The following MTSS1 variants were observed in gnomAD, a reference collection of about 807,000 sequenced individuals.
The protein encoded by MTSS1 is MTSS I-BAR domain containing 1, also known as protein MTSS 1.
MTSS1 carries 18 observed loss-of-function variants against 79.0 expected under a neutral mutation model. The ratio of observed to expected loss-of-function variants is 0.23; its 90% CI spans 0.16 to 0.34. The LOEUF is 0.34. MTSS1 is among the 10% of genes least tolerant of loss of function. The pLI is 1.00. For missense variants in MTSS1, 815 were observed against 986.2 expected, an observed-to-expected ratio of 0.83 and a Z score of 2.33; for synonymous variants, 341 against 368.6, an observed-to-expected ratio of 0.93 and a Z score of 0.86.
rs1477171092 is a variant in MTSS1 at position 124,553,526 on chromosome 8, T to C, written c.1734A>G (p.Gly578=). The C allele has an allele frequency of 8.7e-6, 14 of 1,613,964 alleles. No individual in the cohort carries two copies. The highest frequency in any genetic ancestry group is 1.2e-5 in the Non-Finnish European group (14 of 1,179,992). ...CAACCCCTGGAGTGACCATAGCAGGTCCCAGGGTGGTGGGGAGGCCAGCAG... is the reference window on the plus strand; with the variant it reads ...CAACCCCTGGAGTGACCATAGCAGGCCCCAGGGTGGTGGGGAGGCCAGCAG... ...ASTAGLPTTL[G]PAMVTPGVAT... is the part of the protein sequence containing the mutation. Residue 578 remains glycine (G), a synonymous_variant, in exon 14 of 14, where the codon GGA becomes GGG. Transcript: ENST00000518547. The surrounding 1 kb of genome is among the most constrained non-coding windows in gnomAD (Gnocchi z 6.0).
At chr8:124,633,655 A>G (rs1428693984) in intron 3 of MTSS1, among the ~76,000 whole-genome samples, 1 of 152,038 alleles carries the variant, frequency 6.6e-6, no homozygotes, top group Non-Finnish European at 1.5e-5. Context: ...CTGTAATCCC[A>G]GCTACTCGAG....
At chr8:124,678,736 A>G (rs1825695055) in intron 3 of MTSS1, among the ~76,000 whole-genome samples, 1 of 152,206 alleles carries the variant, frequency 6.6e-6, no homozygotes, top group Admixed American at 6.5e-5. Context: ...AAGCCCTATC[A>G]GCCTGGTAGG....
intron 3 of MTSS1, among the ~76,000 whole-genome samples, chr8:124,621,844 C>G (rs1813580989): frequency 6.6e-6 from 1 of 152,142 alleles, no homozygotes; most frequent in Admixed American, 6.5e-5. Flanking sequence ...CCACCACGCC[C>G]AGCCCCTATC....
At chr8:124,686,946 C>T (rs1356550889) in intron 3 of MTSS1, among the ~76,000 whole-genome samples, 1 of 152,088 alleles carries the variant, frequency 6.6e-6, no homozygotes, top group Non-Finnish European at 1.5e-5. Flanking sequence ...CAGGTGACTT[C>T]AAGTCACCAA....
At chr8:124,703,997 A>G (rs1587895056) in intron 2 of MTSS1, 133 bp downstream of exon 2, 1 of 746,642 alleles carries the variant, frequency 1.3e-6, no homozygotes, top group East Asian at 2.6e-5. Flanking sequence ...TGCTCCAATC[A>G]GAACCCAGCA....
intron 3 of MTSS1, among the ~76,000 whole-genome samples, chr8:124,691,585 G>C (rs2135241012): frequency 1.3e-5 from 2 of 151,896 alleles, no homozygotes; most frequent in South Asian, 4.2e-4. Context: ...GTACGATCTT[G>C]GTTCACTGCA....
intron 6 of MTSS1, among the ~76,000 whole-genome samples, chr8:124,577,367 A>C (rs1450904263): frequency 6.6e-6 from 1 of 152,192 alleles, no homozygotes; most frequent in African/African-American, 2.4e-5. Context: ...CTTCTGCCTC[A>C]GCATCCCAAG....
At chr8:124,673,847 A>C (rs1028813237) in intron 3 of MTSS1, among the ~76,000 whole-genome samples, 1 of 152,234 alleles carries the variant, frequency 6.6e-6, no homozygotes, top group African/African-American at 2.4e-5. Flanking sequence ...CTACCTGAAA[A>C]ATGGCACAAG....
chr8:124,644,797 TG>T (rs1373806676), intron 3 of MTSS1, among the ~76,000 whole-genome samples: 1 of 149,822 alleles, frequency 6.7e-6, no homozygotes, highest in Non-Finnish European at 1.5e-5. Context: ...CAAATGGACA[TG>T]GAGAAACCTA....
intron 3 of MTSS1, among the ~76,000 whole-genome samples, chr8:124,651,612 G>C (rs1179548701): frequency 6.6e-6 from 1 of 152,182 alleles, no homozygotes; most frequent in Non-Finnish European, 1.5e-5. Flanking sequence ...AAAGAGCTAT[G>C]TGAAAGCATT....
intron 3 of MTSS1, among the ~76,000 whole-genome samples, chr8:124,649,907 A>G (rs538663108): frequency 3.9e-5 from 6 of 152,088 alleles, no homozygotes; most frequent in South Asian, 4.2e-4. Context: ...GACTAAGAGC[A>G]TTGTCACCCA....
chr8:124,701,537 A>C (rs75071671), intron 2 of MTSS1, among the ~76,000 whole-genome samples: 2 of 152,360 alleles, frequency 1.3e-5, no homozygotes, highest in East Asian at 3.9e-4. Context: ...TAGCTTTATC[A>C]AACTTCTTGG....
intron 3 of MTSS1, among the ~76,000 whole-genome samples, chr8:124,688,169 C>T (rs566805776): frequency 2.2e-4 from 34 of 151,868 alleles, no homozygotes; most frequent in African/African-American, 6.5e-4. Flanking sequence ...TATGTGCGTA[C>T]GTGTGCGTGT....
At position 124,689,536 on chromosome 8, in the gene MTSS1, G is replaced by A. The variant is rs369194395; in HGVS notation, c.208+9990C>T. On this transcript the variant is annotated intron_variant, in intron 3 of 13. Coordinates refer to ENST00000518547, the MANE Select transcript of MTSS1 (RefSeq NM_014751.6). ...TGAGGCAGGCGGATCACCTGAGGTC[G>A]GGAGTTTGAGACCAGCCTGACCAAC... is the stretch of plus-strand genomic sequence containing the variant. Among the ~76,000 whole-genome samples, 492 of 151,684 alleles carry A rather than the reference G, an allele frequency of 3.2e-3. 8 individuals are homozygous for A. The highest frequency in any genetic ancestry group is 0.025 in the Admixed American group (383 of 15,232).
intron 1 of MTSS1, among the ~76,000 whole-genome samples, chr8:124,712,337 C>T (rs1298859369): frequency 6.6e-6 from 1 of 152,170 alleles, no homozygotes; most frequent in Admixed American, 6.5e-5. Context: ...GCTGGGTATA[C>T]CCTGGATGAG....
At chr8:124,707,017 T>TA (rs145876948) in intron 1 of MTSS1, among the ~76,000 whole-genome samples, 24 of 151,928 alleles carry the variant, frequency 1.6e-4, no homozygotes, top group African/African-American at 5.8e-4. Flanking sequence ...AACCAACCAA[T>TA]AGCAGCTTCG....
chr8:124,636,758 G>A (rs768519452), intron 3 of MTSS1, among the ~76,000 whole-genome samples: 9 of 152,154 alleles, frequency 5.9e-5, no homozygotes, highest in Non-Finnish European at 1.0e-4. Context: ...ATTGGAGAGG[G>A]TGCCCTTGAA....
At chr8:124,661,631 T>C (rs6989891) in intron 3 of MTSS1, among the ~76,000 whole-genome samples, 8,669 of 152,212 alleles carry the variant, frequency 0.057, 448 homozygotes, top group African/African-American at 0.14. Flanking sequence ...CAGAGCCTCC[T>C]CAGCCCAGGT....
intron 2 of MTSS1, among the ~76,000 whole-genome samples, chr8:124,703,350 T>C (rs189392919): frequency 1.4e-4 from 22 of 152,352 alleles, no homozygotes; most frequent in African/African-American, 5.1e-4. Flanking sequence ...TAGAGTGCAA[T>C]GGCACAATCT....
Sources: gnomAD v4.1 joint callset for allele counts (sites outside exome capture counted in the v4.1 genomes callset) on GRCh38, gnomAD v4.1.1 for gene constraint, Gnocchi (gnomAD v3.1) non-coding constraint, MANE v1.5 for transcripts, NCBI Gene and HGNC (gene_info 2026-07-23, HGNC 2026-07-21) for gene names.